CREM: variants seen among roughly 807,000 people sequenced by gnomAD.
The protein encoded by CREM is cAMP responsive element modulator.
Under a neutral mutation model 37.3 loss-of-function variants are expected in CREM, and 13 were observed. The observed-to-expected ratio is 0.35, with a 90% CI of 0.23 to 0.55. The LOEUF (loss-of-function observed/expected upper bound fraction) is 0.55, where lower values mean the gene tolerates loss of function less well. CREM is among the 20% of genes least tolerant of loss of function. The pLI, the probability that CREM is intolerant of heterozygous loss-of-function variation, is 0.88. For missense variants in CREM, 296 were observed against 362.3 expected (o/e 0.82, Z 1.49); for synonymous variants, 124 against 120.2 (o/e 1.03, Z -0.21).
intron 3 of CREM, among the ~76,000 whole-genome samples, chr10:35,172,709 A>AC (rs112092873): frequency 0.19 from 28,166 of 151,570 alleles, 2,662 homozygotes; most frequent in East Asian, 0.24. Flanking sequence ...TGCAGAAAGC[A>AC]CCCCCCCGCT....
chr10:35,179,591 G>A (rs1027358403), intron 5 of CREM: 2 of 278,474 alleles, frequency 7.2e-6, no homozygotes, highest in African/African-American at 4.4e-5. Context: ...TATGATGCAT[G>A]CGAACATAAA....
chr10:35,189,594 C>T (rs951608277), intron 6 of CREM, among the ~76,000 whole-genome samples: 9 of 152,108 alleles, frequency 5.9e-5, no homozygotes, highest in Admixed American at 4.6e-4. Flanking sequence ...CGGCTCACTG[C>T]GACCTCCGCC....
Position 35,193,498 on chromosome 10 carries a change from C to A in CREM, c.598+5110C>A, listed in dbSNP as rs115191299. 2.6e-3 allele frequency among the ~76,000 whole-genome samples: 399 copies of A among 152,214 alleles called. 2 individuals carry two copies. Among genetic ancestry groups the A allele is most frequent in the African/African-American group, 7.7e-3 (321 of 41,520 alleles). On this transcript the variant is annotated intron_variant, in intron 6 of 7. Transcript: ENST00000685392. ...AAAATTTACTAATAGCATTCTTGGA[C>A]CCAAACCCTCAGGTGTGACTGGGAC...
At chr10:35,199,271 A>G (rs1451550951) in intron 6 of CREM, among the ~76,000 whole-genome samples, 1 of 152,274 alleles carries the variant, frequency 6.6e-6, no homozygotes, top group Non-Finnish European at 1.5e-5. Flanking sequence ...AAGATTCAGT[A>G]AACCAAATCT....
At chr10:35,197,968 GTATGT>G (rs2095262346) in intron 6 of CREM, among the ~76,000 whole-genome samples, 1 of 152,098 alleles carries the variant, frequency 6.6e-6, no homozygotes, top group Non-Finnish European at 1.5e-5. Context: ...ACCTATGTGT[GTATGT>G]ACCCTACATT....
At chr10:35,169,228 G>T (rs1346834831) in intron 3 of CREM, among the ~76,000 whole-genome samples, 1 of 152,102 alleles carries the variant, frequency 6.6e-6, no homozygotes, top group East Asian at 1.9e-4. Flanking sequence ...TCCTGTTCAT[G>T]AGCATGGAAT....
chr10:35,209,312 C>A, intron 7 of CREM: 2 of 985,352 alleles, frequency 2.0e-6, no homozygotes, highest in African/African-American at 3.5e-5. Flanking sequence ...TTCTTTCCAG[C>A]CTTGTCAGAG....
intron 5 of CREM, among the ~76,000 whole-genome samples, chr10:35,187,213 AT>A (rs1349522324): frequency 9.5e-6 from 1 of 104,878 alleles, no homozygotes; most frequent in Admixed American, 1.6e-4. Context: ...TATATATTAT[AT>A]ATTTATATAT....
At chr10:35,198,285 G>A (rs556123816) in intron 6 of CREM, among the ~76,000 whole-genome samples, 1 of 152,252 alleles carries the variant, frequency 6.6e-6, no homozygotes, top group African/African-American at 2.4e-5. Context: ...AGCACTTTGG[G>A]AGGCCAAGGC....
rs2087899498 is a variant in CREM, at chr10:35,127,063, C to A, written c.-185C>A. The A allele has an allele frequency of 6.5e-6, 1 of 152,698 alleles. No homozygotes were observed. Among genetic ancestry groups the A allele is most frequent in the Admixed American group, 6.5e-5 (1 of 15,282 alleles). The allele number at this position is 152,698 out of a possible 1,614,324, so 9.5% of individuals were successfully genotyped here. The stretch of plus-strand genomic sequence containing the variant: ...CGCATCACAGCTGACGTGAGGACTA[C>A]GTGGGGCCGCTGCCGGCTCCGGGTT... On this transcript the variant is annotated 5_prime_UTR_variant, in exon 1 of 8. Transcript: ENST00000685392.
chr10:35,178,838 G>A (rs2094218727), intron 3 of CREM, 51 bp from the exon 4 acceptor site: 2 of 1,469,350 alleles, frequency 1.4e-6, no homozygotes, highest in African/African-American at 1.4e-5. Flanking sequence ...TTTTGAATGA[G>A]GGAAAAGAGC....
At chr10:35,145,954 A>AT (rs2092061991) in intron 2 of CREM, among the ~76,000 whole-genome samples, 1 of 152,196 alleles carries the variant, frequency 6.6e-6, no homozygotes, top group Non-Finnish European at 1.5e-5. Flanking sequence ...AAGCTTCTGC[A>AT]TTTTTTACAA....
rs1047696339 is a variant in CREM, at chr10:35,182,187, TACAC to T, written c.409+2917_409+2920del. 1.2e-4 allele frequency among the ~76,000 whole-genome samples: 19 copies of T among 152,346 alleles called. No homozygotes were observed. In the East Asian group the frequency reaches 1.7e-3, roughly 14 times the overall value. ...ACTTTAATTGGAGGGTAAACATACT[TACAC>T]ACACAACATCCATTTTTATTGATCT... On this transcript the variant is annotated intron_variant, in intron 5 of 7. Coordinates refer to ENST00000685392, the MANE Select transcript of CREM (RefSeq NM_183011.2).
chr10:35,166,435 C>T (rs918113660), intron 3 of CREM, among the ~76,000 whole-genome samples: 26 of 152,024 alleles, frequency 1.7e-4, no homozygotes, highest in African/African-American at 5.3e-4. Flanking sequence ...GTGACAGGCA[C>T]CTGTAATCCC....
intron 2 of CREM, 51 bp downstream of exon 2, chr10:35,137,930 A>G: frequency 6.9e-7 from 1 of 1,449,598 alleles, no homozygotes; most frequent in Non-Finnish European, 9.5e-7. Context: ...CTTAGCTTAA[A>G]GTTCATGATG....
chr10:35,209,244 C>A, intron 7 of CREM: 1 of 870,152 alleles, frequency 1.1e-6, no homozygotes. Context: ...CTTTGATTGG[C>A]ATCTATAATC....
intron 1 of CREM, among the ~76,000 whole-genome samples, chr10:35,135,935 G>A (rs1028578627): frequency 2.6e-5 from 4 of 152,208 alleles, no homozygotes; most frequent in African/African-American, 7.2e-5. Flanking sequence ...GCAGGCAAGC[G>A]TTCATTGGTG....
chr10:35,135,245 A>G (rs569506884), intron 1 of CREM, among the ~76,000 whole-genome samples: 2 of 152,198 alleles, frequency 1.3e-5, no homozygotes, highest in African/African-American at 4.8e-5. Context: ...ATTTCTTCTT[A>G]TAAGTTATTA....
chr10:35,199,337 A>T (rs1389573814), intron 6 of CREM, among the ~76,000 whole-genome samples: 1 of 152,242 alleles, frequency 6.6e-6, no homozygotes, highest in African/African-American at 2.4e-5. Context: ...TGAAAAATGC[A>T]TAACGAAATG....
Sources: allele counts gnomAD v4.1 joint callset (sites outside exome capture counted in the v4.1 genomes callset), GRCh38; gene constraint gnomAD v4.1.1; transcripts MANE v1.5; gene names NCBI Gene and HGNC (gene_info 2026-07-23, HGNC 2026-07-21).